The following CNBD1 variants were observed in gnomAD, a reference collection of about 807,000 sequenced individuals.
CNBD1 encodes the protein cyclic nucleotide binding domain containing 1.
Under a neutral mutation model 54.4 loss-of-function variants are expected in CNBD1, and 71 were observed. The ratio of observed to expected loss-of-function variants is 1.30; its 90% confidence interval spans 1.08 to 1.59. CNBD1 has a LOEUF of 1.59. Among genes scored for constraint, CNBD1 ranks in the 40% most tolerant of loss-of-function variants. The pLI is 0.00. For missense variants in CNBD1, 659 were observed against 518.0 expected, an observed-to-expected ratio of 1.27 and a Z score of -2.64; for synonymous variants, 182 against 170.7, an observed-to-expected ratio of 1.07 and a Z score of -0.51.
chr8:86,887,278 G>C (rs1471547437), intron 1 of CNBD1, among the ~76,000 whole-genome samples: 2 of 152,042 alleles, frequency 1.3e-5, no homozygotes, highest in Non-Finnish European at 2.9e-5. Flanking sequence ...GACATTATAT[G>C]AACACAGACA....
chr8:87,014,131 A>G (rs1197929049), intron 4 of CNBD1, among the ~76,000 whole-genome samples: 1 of 151,956 alleles, frequency 6.6e-6, no homozygotes, highest in Non-Finnish European at 1.5e-5. Flanking sequence ...AAGCACTCAA[A>G]TCAAATACAG....
At chr8:87,355,184 A>G (rs1324298790) in intron 10 of CNBD1, among the ~76,000 whole-genome samples, 1 of 152,228 alleles carries the variant, frequency 6.6e-6, no homozygotes, top group African/African-American at 2.4e-5. Context: ...TGCCCCTTTT[A>G]TAATATATTC....
intron 4 of CNBD1, among the ~76,000 whole-genome samples, chr8:87,045,755 G>A (rs1239702409): frequency 7.0e-6 from 1 of 142,512 alleles, no homozygotes; most frequent in Non-Finnish European, 1.5e-5. Flanking sequence ...CAGTACACAT[G>A]TGCCGGCCAG....
At chr8:87,176,652 A>ATT (rs1254470877) in intron 4 of CNBD1, among the ~76,000 whole-genome samples, 68 of 134,880 alleles carry the variant, frequency 5.0e-4, no homozygotes, top group East Asian at 3.3e-3. Context: ...GCCCGGCTAA[A>ATT]TTTTTTTTTT....
chr8:87,133,082 C>G (rs921838853), intron 4 of CNBD1, among the ~76,000 whole-genome samples: 1 of 147,074 alleles, frequency 6.8e-6, no homozygotes, highest in African/African-American at 2.4e-5. Flanking sequence ...CTTTTTAGTT[C>G]TATAATTTTT....
At chr8:86,995,547 G>A (rs1312957392) in intron 4 of CNBD1, among the ~76,000 whole-genome samples, 1 of 152,128 alleles carries the variant, frequency 6.6e-6, no homozygotes, top group Non-Finnish European at 1.5e-5. Context: ...GAGTTTTGAA[G>A]GGTAAGAAGT....
chr8:87,157,470 C>G (rs540949004), intron 4 of CNBD1, among the ~76,000 whole-genome samples: 1 of 152,130 alleles, frequency 6.6e-6, no homozygotes, highest in Non-Finnish European at 1.5e-5. Context: ...TAGTACCTCA[C>G]GCATTATGAC....
intron 5 of CNBD1, among the ~76,000 whole-genome samples, chr8:87,224,674 T>C (rs372786283): frequency 4.0e-5 from 6 of 151,674 alleles, no homozygotes; most frequent in Non-Finnish European, 8.8e-5. Flanking sequence ...AGTCAGGTAG[T>C]GTGATGCCTC....
intron 8 of CNBD1, among the ~76,000 whole-genome samples, chr8:87,303,636 T>G (rs1585996747): frequency 1.4e-5 from 2 of 143,898 alleles, no homozygotes; most frequent in East Asian, 3.9e-4. Context: ...AATTGACAAA[T>G]GGGATCTAAT....
intron 4 of CNBD1, among the ~76,000 whole-genome samples, chr8:87,100,662 G>A (rs995174478): frequency 6.6e-6 from 1 of 152,096 alleles, no homozygotes; most frequent in Non-Finnish European, 1.5e-5. Flanking sequence ...TTTCAATAGA[G>A]ATGGGGTTTC....
At chr8:87,376,354 G>T (rs1810935939) in intron 10 of CNBD1, among the ~76,000 whole-genome samples, 1 of 151,792 alleles carries the variant, frequency 6.6e-6, no homozygotes, top group Admixed American at 6.6e-5. Context: ...GCTCTGACAA[G>T]GGTACTAATT....
chr8:87,082,955 A>G (rs910217223), intron 4 of CNBD1, among the ~76,000 whole-genome samples: 1 of 152,176 alleles, frequency 6.6e-6, no homozygotes, highest in African/African-American at 2.4e-5. Context: ...ACTTTAATTT[A>G]TTACACTCTA....
intron 8 of CNBD1, among the ~76,000 whole-genome samples, chr8:87,340,999 A>G (rs984079682): frequency 2.6e-5 from 4 of 151,956 alleles, no homozygotes; most frequent in Non-Finnish European, 5.9e-5. Context: ...AAATACAACT[A>G]TCTATCTCTT....
At chr8:86,875,133 AG>A (rs1171498803) in intron 1 of CNBD1, among the ~76,000 whole-genome samples, 1 of 151,778 alleles carries the variant, frequency 6.6e-6, no homozygotes, top group African/African-American at 2.4e-5. Flanking sequence ...GAAGTGATAA[AG>A]CTTTCTCCTA....
intron 4 of CNBD1, among the ~76,000 whole-genome samples, chr8:87,180,808 G>A (rs1813296597): frequency 6.6e-6 from 1 of 152,266 alleles, no homozygotes; most frequent in Admixed American, 6.5e-5. Flanking sequence ...CTAGGGAATG[G>A]GGAAGGAAGT....
rs111905613 is a variant in CNBD1, at chr8:87,419,738, C to T, written c.214-8808C>T. 2.9e-3 allele frequency among the ~76,000 whole-genome samples: 443 copies of T among 151,686 alleles called. 3 individuals carry two copies. Among genetic ancestry groups the T allele is most frequent in the African/African-American group, 1.0e-2 (414 of 41,444 alleles). On this transcript the variant is annotated intron_variant, in intron 2 of 7. Transcript: ENST00000521593. ...CACTGAATATTTAGTTTAAAATATT[C>T]CCACAAATGCCAATTCACTTTAAAG...
chr8:86,957,169 G>C (rs1367720448), intron 4 of CNBD1, among the ~76,000 whole-genome samples: 1 of 152,134 alleles, frequency 6.6e-6, no homozygotes, highest in East Asian at 1.9e-4. Context: ...TGCATCCCAG[G>C]GATGAAGCCA....
intron 4 of CNBD1, among the ~76,000 whole-genome samples, chr8:86,983,421 A>C (rs1808534885): frequency 6.6e-6 from 1 of 152,172 alleles, no homozygotes; most frequent in Non-Finnish European, 1.5e-5. Flanking sequence ...CACTGCTGAA[A>C]ATATACCCAA....
chr8:87,349,158 G>A (rs1810231990), intron 8 of CNBD1, among the ~76,000 whole-genome samples: 2 of 152,088 alleles, frequency 1.3e-5, no homozygotes, highest in African/African-American at 2.4e-5. Flanking sequence ...CAATCCTGCA[G>A]ATCATCGTAT....
Sources: allele counts gnomAD v4.1 joint callset (sites outside exome capture counted in the v4.1 genomes callset), GRCh38; gene constraint gnomAD v4.1.1; transcripts MANE v1.5; gene names NCBI Gene and HGNC (gene_info 2026-07-23, HGNC 2026-07-21).